Variants in PIEZO2 observed in about 807,000 individuals in gnomAD.
PIEZO2 encodes piezo type mechanosensitive ion channel component 2, also known as piezo-type mechanosensitive ion channel component 2.
PIEZO2 carries 172 observed loss-of-function variants against 337.3 expected under a neutral mutation model. The ratio of observed to expected loss-of-function variants is 0.51; its 90% CI spans 0.45 to 0.58. The LOEUF is 0.58. Among genes scored for constraint, PIEZO2 ranks in the 20% least tolerant of loss-of-function variants. PIEZO2 has a pLI of 0.00. For synonymous variants in PIEZO2, 1,251 were observed against 1,228.5 expected, an observed-to-expected ratio of 1.02 and a Z score of -0.38; for missense variants, 3,028 against 3,391.3, an observed-to-expected ratio of 0.89 and a Z score of 2.66.
At position 10,942,661 on chromosome 18, in the gene PIEZO2, A is replaced by G. The variant is rs1259670298; in HGVS notation, c.287-31433T>C. On this transcript the variant is annotated intron_variant, in intron 3 of 55. Transcript: ENST00000674853. The surrounding 1 kb of genome is among the most constrained non-coding windows in gnomAD (Gnocchi z 4.4). ...TTGCAGCCTGACAATGCAATAAAAA[A>G]GAAAATCCCATTTTCTGTGGAGAAA... Among the ~76,000 whole-genome samples the G allele has an allele frequency of 3.3e-5, 5 of 152,258 alleles. No homozygotes were observed. The highest frequency in any genetic ancestry group is 1.2e-4 in the African/African-American group (5 of 41,476).
At position 10,807,251 on chromosome 18, in the gene PIEZO2, A is replaced by C; in HGVS notation, c.941T>G (p.Ile314Ser). The part of the protein sequence containing the change: ...YARLFGIKSV[I>S]QTDCSSTWKI... ...CCAAGTACTTGAACAGTCCGTTTGA[A>C]TTACTGACTTGATACCAAACAACCT... is the stretch of plus-strand genomic sequence containing the variant. Residue 314 changes from isoleucine to serine, a missense_variant, in exon 8 of 56, where the codon ATT becomes AGT. By Grantham distance (142) the Ile-to-Ser change is moderately radical (BLOSUM62 -2). Transcript: ENST00000674853. 1 of 1,536,920 alleles carries C rather than the reference A, an allele frequency of 6.5e-7. No individual in the cohort carries two copies. The highest frequency in any genetic ancestry group is 8.7e-7 in the Non-Finnish European group (1 of 1,146,696).
chr18:10,930,559 C>T (rs1598707729), intron 3 of PIEZO2, among the ~76,000 whole-genome samples: 1 of 152,188 alleles, frequency 6.6e-6, no homozygotes, highest in African/African-American at 2.4e-5. Flanking sequence ...GGCACATGTT[C>T]TCAGGACCTC....
intron 1 of PIEZO2, among the ~76,000 whole-genome samples, chr18:11,093,857 A>G (rs2039177723): frequency 6.6e-6 from 1 of 152,226 alleles, no homozygotes; most frequent in South Asian, 2.1e-4. Context: ...CTCAGGACCT[A>G]TGGCAGAGCC....
chr18:11,082,635 C>T (rs1316989152), intron 1 of PIEZO2, among the ~76,000 whole-genome samples: 1 of 152,138 alleles, frequency 6.6e-6, no homozygotes, highest in Non-Finnish European at 1.5e-5. Flanking sequence ...GTTAGCCCTT[C>T]CTTGGAACAA....
rs2032858075 is a variant in PIEZO2 at position 10,943,878 on chromosome 18, A to G, written c.287-32650T>C. Among the ~76,000 whole-genome samples the G allele has an allele frequency of 6.6e-6, 1 of 152,130 alleles. No homozygotes were observed. Among genetic ancestry groups the G allele is most frequent in the Admixed American group, 6.5e-5 (1 of 15,272 alleles). On this transcript the variant is annotated intron_variant, in intron 3 of 55. Transcript: ENST00000674853. The surrounding 1 kb of genome is among the most constrained non-coding windows in gnomAD (Gnocchi z 4.5). ...TTCCAGTGCTGTTCTCATGATAGTGAATGGGTCTCACGAGATCTGATGGCT... is the reference window on the plus strand; with the variant it reads ...TTCCAGTGCTGTTCTCATGATAGTGGATGGGTCTCACGAGATCTGATGGCT...
At chr18:11,108,546 G>A (rs1033987280) in intron 1 of PIEZO2, among the ~76,000 whole-genome samples, 55 of 148,736 alleles carry the variant, frequency 3.7e-4, no homozygotes, top group African/African-American at 1.2e-3. Flanking sequence ...CCCGGGAGGC[G>A]GAGTTTGCAG....
intron 2 of PIEZO2, among the ~76,000 whole-genome samples, chr18:10,991,073 G>A (rs1413246079): frequency 1.3e-5 from 2 of 150,542 alleles, no homozygotes; most frequent in Admixed American, 6.6e-5. Context: ...AATTGATATT[G>A]TTTATTTATT....
intron 3 of PIEZO2, among the ~76,000 whole-genome samples, chr18:10,970,230 G>A (rs985387700): frequency 3.9e-5 from 6 of 152,194 alleles, no homozygotes; most frequent in Admixed American, 2.6e-4. Flanking sequence ...GGCAGAGTAC[G>A]TAAGGACATT....
In PIEZO2 at chr18:10,750,637, T is replaced by C. The variant is rs1326071122; in HGVS notation, c.4168-450A>G. On this transcript the variant is annotated intron_variant, in intron 28 of 55. Coordinates refer to ENST00000674853, the MANE Select transcript of PIEZO2 (RefSeq NM_001378183.1). This position sits in a 1 kb window ranked among gnomAD's most constrained non-coding sequence, Gnocchi z 4.1. ...GTAGTTCTTAGAACAAAACAGAGTA[T>C]GTGTTTTGAGTCTTGTTTGACCAAT... Among the ~76,000 whole-genome samples the C allele has an allele frequency of 2.0e-5, 3 of 152,206 alleles. No individual in the cohort carries two copies. Among genetic ancestry groups the C allele is most frequent in the East Asian group, 1.9e-4 (1 of 5,198 alleles).
chr18:10,957,849 G>T (rs1002523737), intron 3 of PIEZO2, among the ~76,000 whole-genome samples: 3 of 152,124 alleles, frequency 2.0e-5, no homozygotes, highest in African/African-American at 7.2e-5. Flanking sequence ...TTAAAAACGG[G>T]CGAAGAATCT....
chr18:10,905,951 C>T (rs1236827076), intron 4 of PIEZO2, among the ~76,000 whole-genome samples: 32 of 152,128 alleles, frequency 2.1e-4, no homozygotes, highest in South Asian at 2.1e-4. Flanking sequence ...AGGTCATGCT[C>T]CTGGGAGTGG....
intron 2 of PIEZO2, among the ~76,000 whole-genome samples, chr18:10,989,509 T>G (rs576964646): frequency 2.0e-5 from 3 of 149,078 alleles, no homozygotes; most frequent in East Asian, 1.9e-4. Flanking sequence ...AAAGGAGAGA[T>G]GGATTTGACT....
At chr18:11,124,106 A>T (rs548315947) in intron 1 of PIEZO2, among the ~76,000 whole-genome samples, 2 of 152,260 alleles carry the variant, frequency 1.3e-5, no homozygotes, top group East Asian at 1.9e-4. Context: ...TTAGGTAAGT[A>T]TATATAATAT....
rs574716099 is a variant in PIEZO2, at chr18:11,125,520, C to T, written c.64+23005G>A. Reference sequence around the variant, plus strand: ...GCTAAGAGTCCAGCACACTTCATTACGTTGTTGGATTGTTTCCTCAATACA... The same window carrying T: ...GCTAAGAGTCCAGCACACTTCATTATGTTGTTGGATTGTTTCCTCAATACA... On this transcript the variant is annotated intron_variant, in intron 1 of 55. Transcript: ENST00000674853. The surrounding 1 kb of genome is among the most constrained non-coding windows in gnomAD (Gnocchi z 4.4). 1.3e-3 allele frequency among the ~76,000 whole-genome samples: 199 copies of T among 152,310 alleles called. 1 individual carries two copies. In the Middle Eastern group the frequency reaches 0.014, roughly 10 times the overall value.
In PIEZO2 at chr18:10,705,451, CAG is replaced by C; in HGVS notation, c.5882_5883del (p.Ser1961CysfsTer29). 1 of 1,537,218 alleles carries C rather than the reference CAG, an allele frequency of 6.5e-7. No homozygotes were observed. Among genetic ancestry groups the C allele is most frequent in the Non-Finnish European group, 8.7e-7 (1 of 1,146,914 alleles). ...EHLSFGSQDD[S>X]AGKNRMAVSP... ...CTGACTGCCATACGGTTCTTGCCTGCAGAGTCGTCCTGCGAGCCGAAGGACAG... is the reference window on the plus strand; with the variant it reads ...CTGACTGCCATACGGTTCTTGCCTGCAGTCGTCCTGCGAGCCGAAGGACAG... On this transcript the variant is annotated frameshift_variant, in exon 41 of 56. Coordinates refer to ENST00000674853, the MANE Select transcript of PIEZO2 (RefSeq NM_001378183.1). LOFTEE classifies it high-confidence loss of function.
chr18:10,844,110 C>T (rs980927043), intron 7 of PIEZO2, among the ~76,000 whole-genome samples: 3 of 152,188 alleles, frequency 2.0e-5, no homozygotes, highest in African/African-American at 7.2e-5. Flanking sequence ...GGCTCAAACC[C>T]TGGTTCTGTC....
intron 1 of PIEZO2, among the ~76,000 whole-genome samples, chr18:11,142,152 T>C (rs928839856): frequency 6.6e-6 from 1 of 152,230 alleles, no homozygotes; most frequent in Non-Finnish European, 1.5e-5. Flanking sequence ...AACTTATATG[T>C]ATATGCTGCA....
In PIEZO2 at chr18:10,969,585, AT is replaced by A. The variant is rs1296351634; in HGVS notation, c.286+9949del. 5.3e-5 allele frequency among the ~76,000 whole-genome samples: 8 copies of A among 151,734 alleles called. No individual in the cohort carries two copies. Among genetic ancestry groups the A allele is most frequent in the African/African-American group, 1.4e-4 (6 of 41,402 alleles). On this transcript the variant is annotated intron_variant, in intron 3 of 55. Transcript: ENST00000674853. This position sits in a 1 kb window ranked among gnomAD's most constrained non-coding sequence, Gnocchi z 4.5. ...TTCCCAAATCCAAATGGAAATCCAAATTTTTTTTTGCGAAGGAAATAAATAC... is the reference window on the plus strand; with the variant it reads ...TTCCCAAATCCAAATGGAAATCCAAATTTTTTTTGCGAAGGAAATAAATAC...
intron 7 of PIEZO2, among the ~76,000 whole-genome samples, chr18:10,816,272 G>A (rs2040361864): frequency 6.6e-6 from 1 of 152,126 alleles, no homozygotes; most frequent in Non-Finnish European, 1.5e-5. Flanking sequence ...GAAGTCTTAT[G>A]CCATTAGTGT....
Sources: gnomAD v4.1 joint callset for allele counts (sites outside exome capture counted in the v4.1 genomes callset) on GRCh38, gnomAD v4.1.1 for gene constraint, Gnocchi (gnomAD v3.1) non-coding constraint, MANE v1.5 for transcripts, NCBI Gene and HGNC (gene_info 2026-07-23, HGNC 2026-07-21) for gene names.